POLR1C: variants seen among roughly 807,000 people sequenced by gnomAD.
POLR1C encodes the protein DNA-directed RNA polymerases I and III subunit RPAC1.
POLR1C carries 42 observed loss-of-function variants against 38.3 expected under a neutral mutation model. The observed-to-expected ratio is 1.10, with a 90% CI of 0.86 to 1.42. The LOEUF is 1.42. POLR1C is among the 40% of genes most tolerant of loss of function. The pLI is 0.00. For missense variants in POLR1C, 507 were observed against 450.5 expected, an observed-to-expected ratio of 1.13 and a Z score of -1.14; for synonymous variants, 163 against 163.9, an observed-to-expected ratio of 0.99 and a Z score of 0.04.
chr6:43,549,275 G>A (rs1166267159), intron 9 of POLR1C, among the ~76,000 whole-genome samples: 1 of 152,094 alleles, frequency 6.6e-6, no homozygotes, highest in African/African-American at 2.4e-5. Flanking sequence ...TGTTGTCCAG[G>A]CTGGTCCCGA....
chr6:43,560,155 A>C (rs571454240), intron 10 of POLR1C: 18 of 1,607,646 alleles, frequency 1.1e-5, no homozygotes, highest in East Asian at 4.5e-5. Flanking sequence ...TACATTCCAC[A>C]TGTTTAGATT....
intron 9 of POLR1C, among the ~76,000 whole-genome samples, chr6:43,541,179 C>A (rs1794673293): frequency 6.6e-6 from 1 of 152,162 alleles, no homozygotes; most frequent in East Asian, 1.9e-4. Flanking sequence ...TGAATAAGAT[C>A]TAGTATTTCC....
Position 43,520,354 on chromosome 6 carries a change from T to C in POLR1C, c.582T>C (p.His194=), listed in dbSNP as rs2127690416. 3 of 1,613,782 alleles carry C rather than the reference T, an allele frequency of 1.9e-6. No homozygotes were observed. Among genetic ancestry groups the C allele is most frequent in the Non-Finnish European group, 2.5e-6 (3 of 1,180,028 alleles). The change falls in exon 6 of 9, where the codon CAT becomes CAC. Residue 194 remains histidine (H), a synonymous_variant. Transcript: ENST00000642195. The stretch of plus-strand genomic sequence containing the variant: ...CAGAGGGCACTATCCGACCAGTGCA[T>C]GATGATATCCTCATCGCTCAGCTGC... ...LFPEGTIRPV[H]DDILIAQLRP...
At chr6:43,520,500 A>T (rs1793099889) in intron 6 of POLR1C, 73 bp downstream of exon 6, 2 of 1,604,396 alleles carry the variant, frequency 1.2e-6, no homozygotes, top group South Asian at 2.2e-5. Context: ...TAGGGAACTC[A>T]GCTGAGACAT....
At chr6:43,536,326 A>G (rs2127714070) in intron 9 of POLR1C, among the ~76,000 whole-genome samples, 2 of 151,974 alleles carry the variant, frequency 1.3e-5, no homozygotes, top group South Asian at 4.2e-4. Flanking sequence ...AAGGCATAAG[A>G]ATCGCTTGAA....
intron 9 of POLR1C, chr6:43,549,636 C>T (rs1256940132): frequency 6.4e-7 from 1 of 1,554,758 alleles, no homozygotes; most frequent in Admixed American, 1.8e-5. Flanking sequence ...ACAGGTGCTG[C>T]ATAGACTCAT....
chr6:43,521,328 G>A lies in POLR1C; in HGVS notation c.*28G>A, dbSNP rs1377520006. 6.2e-7 allele frequency: 1 copy of A among 1,611,932 alleles called. No individual in the cohort carries two copies. The highest frequency in any genetic ancestry group is 8.5e-7 in the Non-Finnish European group (1 of 1,179,894). On this transcript the variant is annotated 3_prime_UTR_variant, in exon 9 of 9. Coordinates refer to ENST00000642195, the MANE Select transcript of POLR1C (RefSeq NM_203290.4). ...TTGGATGCTTCTGAGGCAAGCTGAA[G>A]CTTTGGGTTCTGACTGACCCACCCT...
chr6:43,520,822 C>T (rs766901419), intron 7 of POLR1C, 48 bp downstream of exon 7: 2 of 1,610,112 alleles, frequency 1.2e-6, no homozygotes, highest in African/African-American at 1.3e-5. Flanking sequence ...ATTATATTTT[C>T]TTTCAAGGTG....
At chr6:43,520,216 C>G (rs758212801) in intron 5 of POLR1C, 31 bp downstream of exon 5, 1 of 1,614,118 alleles carries the variant, frequency 6.2e-7, no homozygotes, top group Admixed American at 1.7e-5. Context: ...GAAGAGGCCC[C>G]ACCTGTGGGT....
chr6:43,524,109 T>A (rs1219207346), downstream of POLR1C: 1 of 1,491,244 alleles, frequency 6.7e-7, no homozygotes, highest in South Asian at 1.3e-5. Flanking sequence ...CCAACACTTT[T>A]GGGAGGCCAA....
intron 9 of POLR1C, among the ~76,000 whole-genome samples, chr6:43,540,934 G>C (rs1340997946): frequency 6.6e-6 from 1 of 151,624 alleles, no homozygotes; most frequent in Admixed American, 6.6e-5. Context: ...AAAAAAAAGA[G>C]ATCTTGTCAT....
rs73426747 is a variant in POLR1C, at chr6:43,526,923, C to T, written c.923-2326C>T. 1.9e-3 allele frequency: 1,225 copies of T among 631,420 alleles called. 11 individuals carry two copies. Among genetic ancestry groups the T allele is most frequent in the African/African-American group, 0.018 (1,009 of 55,142 alleles). 39.1% of individuals were successfully genotyped at this position (631,420 alleles called of 1,614,324 possible). ...ATAGAAATAGAGGCATTCTGATGACCGAACTGTTTTGGTCCTTCAAGTTCA... is the reference window on the plus strand; with the variant it reads ...ATAGAAATAGAGGCATTCTGATGACTGAACTGTTTTGGTCCTTCAAGTTCA... On this transcript the variant is annotated intron_variant, in intron 8 of 8. Coordinates refer to the POLR1C transcript ENST00000304004.
chr6:43,536,492 C>T (rs1185869927), intron 9 of POLR1C, among the ~76,000 whole-genome samples: 1 of 151,288 alleles, frequency 6.6e-6, no homozygotes, highest in Non-Finnish European at 1.5e-5. Context: ...GATGCGGTGG[C>T]TTATGCCTGT....
chr6:43,545,845 A>G (rs1794941059), intron 9 of POLR1C, among the ~76,000 whole-genome samples: 1 of 152,218 alleles, frequency 6.6e-6, no homozygotes, highest in Admixed American at 6.6e-5. Flanking sequence ...TATATCTAGT[A>G]ACTGATAAGC....
chr6:43,530,891 C>A, downstream of POLR1C: 1 of 1,516,442 alleles, frequency 6.6e-7, no homozygotes, highest in South Asian at 1.3e-5. Flanking sequence ...AGCCCTGTCC[C>A]ATGAATTTCA....
intron 9 of POLR1C, among the ~76,000 whole-genome samples, chr6:43,547,983 T>C (rs1049873520): frequency 1.3e-5 from 2 of 152,238 alleles, no homozygotes; most frequent in African/African-American, 4.8e-5. Context: ...GATAAGTGTC[T>C]GTGTGGTTGT....
intron 9 of POLR1C, among the ~76,000 whole-genome samples, chr6:43,548,694 C>T (rs1214729471): frequency 6.6e-6 from 1 of 151,564 alleles, no homozygotes; most frequent in African/African-American, 2.4e-5. Context: ...TCCCATACTA[C>T]AACTGTGAAA....
rs112132990 is a variant in POLR1C, at chr6:43,556,002, A to G, written c.*48+4991A>G. On this transcript the variant is annotated intron_variant, in intron 10 of 10. Transcript: ENST00000607635. ...AATGCCAAGGGAAGGACAGGAATCA[A>G]TAACTGGTATAAAATAAGTACTTAA... 0.023 allele frequency: 37,571 copies of G among 1,610,082 alleles called. 533 individuals carry two copies. The highest frequency in any genetic ancestry group is 0.027 in the Non-Finnish European group (32,359 of 1,177,898).
At chr6:43,547,756 G>T in intron 9 of POLR1C, 2 of 1,552,078 alleles carry the variant, frequency 1.3e-6, no homozygotes, top group Non-Finnish European at 1.8e-6. Context: ...TTTAAACAAG[G>T]ACAGTTTCTT....
Sources: allele counts gnomAD v4.1 joint callset (sites outside exome capture counted in the v4.1 genomes callset), GRCh38; gene constraint gnomAD v4.1.1; transcripts MANE v1.5; gene names NCBI Gene and HGNC (gene_info 2026-07-23, HGNC 2026-07-21).